The following METTL15 variants were observed in gnomAD, a reference collection of about 807,000 sequenced individuals.
METTL15 encodes 12S rRNA N(4)-cytidine methyltransferase METTL15.
METTL15 carries 34 observed loss-of-function variants against 38.3 expected under a neutral mutation model. That is an observed-to-expected ratio of 0.89 (90% CI 0.68 to 1.18). METTL15 has a LOEUF of 1.18. Ranked by LOEUF, METTL15 falls within the 50% of genes most tolerant of loss-of-function variation. METTL15 has a pLI of 0.00. For missense variants in METTL15, 438 were observed against 498.4 expected, an observed-to-expected ratio of 0.88 and a Z score of 1.15; for synonymous variants, 162 against 170.9, an observed-to-expected ratio of 0.95 and a Z score of 0.41.
At chr11:28,170,581 T>C (rs1425492897) in intron 3 of METTL15, among the ~76,000 whole-genome samples, 1 of 152,178 alleles carries the variant, frequency 6.6e-6, no homozygotes, top group African/African-American at 2.4e-5. Flanking sequence ...GGGTGTATTA[T>C]GCATGAGTTT....
chr11:28,261,662 A>G (rs902123406), intron 4 of METTL15: 9 of 152,196 alleles, frequency 5.9e-5, no homozygotes, highest in African/African-American at 2.2e-4. Flanking sequence ...AACTGAAGAT[A>G]ACTTTTGAAA....
intron 6 of METTL15, among the ~76,000 whole-genome samples, chr11:28,440,484 T>A (rs1375243933): frequency 6.6e-6 from 1 of 152,210 alleles, no homozygotes; most frequent in East Asian, 1.9e-4. Context: ...GGATTCAGAC[T>A]GGCCTTGTTT....
chr11:28,224,458 A>T (rs980939924), intron 4 of METTL15, among the ~76,000 whole-genome samples: 6 of 151,958 alleles, frequency 3.9e-5, no homozygotes, highest in Non-Finnish European at 7.4e-5. Flanking sequence ...GTACTGAGAA[A>T]AAATTAAAAT....
At chr11:28,219,965 A>T (rs1853113481) in intron 4 of METTL15, among the ~76,000 whole-genome samples, 1 of 152,178 alleles carries the variant, frequency 6.6e-6, no homozygotes, top group African/African-American at 2.4e-5. Context: ...TTTGCTGATG[A>T]GTGCTTTATT....
Position 28,113,497 on chromosome 11 carries a change from C to G in METTL15, c.163C>G (p.Gln55Glu). The part of the protein sequence containing the change: ...AREQTDQTQA[Q>E]ELHRSQDRDF... The stretch of plus-strand genomic sequence containing the variant: ...GGAGCAAACAGATCAAACTCAAGCC[C>G]AGGAGTTACACAGATCTCAAGATAG... The change falls in exon 3 of 7, where the codon CAG becomes GAG. Residue 55 changes from glutamine (Q) to glutamate (E), a missense_variant. Gln to Glu is a conservative substitution (Grantham distance 29). Transcript: ENST00000407364. The G allele has an allele frequency of 6.2e-7, 1 of 1,613,056 alleles. No individual in the cohort carries two copies. Among genetic ancestry groups the G allele is most frequent in the Non-Finnish European group, 8.5e-7 (1 of 1,179,840 alleles).
chr11:28,176,786 G>A (rs1036993573), intron 3 of METTL15, among the ~76,000 whole-genome samples: 1 of 151,936 alleles, frequency 6.6e-6, no homozygotes, highest in South Asian at 2.1e-4. Flanking sequence ...ATGTAAAATG[G>A]AATTATGATA....
At chr11:28,481,112 T>C (rs1194157037) in intron 6 of METTL15, among the ~76,000 whole-genome samples, 1 of 152,214 alleles carries the variant, frequency 6.6e-6, no homozygotes, top group Non-Finnish European at 1.5e-5. Flanking sequence ...AAGAATCAGG[T>C]AGTTCTGGGG....
Position 28,300,750 on chromosome 11 carries a change from T to C in METTL15, c.778+3819T>C, listed in dbSNP as rs756819670. ...ATATAAATATTTAACACATATGCAG[T>C]GTTATATACAGTGTTCCCTCCAAAA... On this transcript the variant is annotated intron_variant, in intron 6 of 6. Coordinates refer to ENST00000407364, the MANE Select transcript of METTL15 (RefSeq NM_001113528.2). Among the ~76,000 whole-genome samples the C allele has an allele frequency of 3.3e-5, 5 of 152,288 alleles. No individual in the cohort carries two copies. The South Asian group carries it at 8.3e-4, about 25-fold the overall frequency.
intron 3 of METTL15, among the ~76,000 whole-genome samples, chr11:28,209,280 C>T (rs527779507): frequency 6.6e-6 from 1 of 151,856 alleles, no homozygotes; most frequent in South Asian, 2.1e-4. Flanking sequence ...GGTATTGATC[C>T]CATGACAAGG....
chr11:28,321,580 A>G (rs1482779272), intron 6 of METTL15, among the ~76,000 whole-genome samples: 8 of 152,172 alleles, frequency 5.3e-5, no homozygotes, highest in African/African-American at 1.9e-4. Context: ...GCATTGCTTC[A>G]ACATTATGAT....
chr11:28,464,435 T>C (rs1287850293), intron 6 of METTL15, among the ~76,000 whole-genome samples: 2 of 152,156 alleles, frequency 1.3e-5, no homozygotes, highest in Non-Finnish European at 1.5e-5. Context: ...TGTAAACAAA[T>C]GAGTGTGGTT....
Position 28,173,099 on chromosome 11 carries a change from CAA to C in METTL15, c.271-37960_271-37959del, listed in dbSNP as rs569177453. Among the ~76,000 whole-genome samples, 93 of 151,998 alleles carry C rather than the reference CAA, an allele frequency of 6.1e-4. 1 individual carries two copies. In the South Asian group the frequency reaches 0.018, roughly 30 times the overall value. Reference sequence around the variant, plus strand: ...GATATTTATTTTTTAAAAAAAGAGACAAAATTTTTAATATAGATTTTGTTTTT... The same window carrying C: ...GATATTTATTTTTTAAAAAAAGAGACAATTTTTAATATAGATTTTGTTTTT... On this transcript the variant is annotated intron_variant, in intron 3 of 6. Coordinates refer to ENST00000407364, the MANE Select transcript of METTL15 (RefSeq NM_001113528.2).
intron 5 of METTL15, among the ~76,000 whole-genome samples, chr11:28,380,131 G>T (rs1159929925): frequency 4.8e-5 from 7 of 146,022 alleles, no homozygotes; most frequent in Non-Finnish European, 9.0e-5. Context: ...GCAACATATA[G>T]TTAGATCTTG....
chr11:28,297,215 A>G (rs1856773322), intron 6 of METTL15, among the ~76,000 whole-genome samples: 1 of 152,062 alleles, frequency 6.6e-6, no homozygotes, highest in Non-Finnish European at 1.5e-5. Flanking sequence ...GTAGATTTTT[A>G]TTTTACACAG....
intron 4 of METTL15, among the ~76,000 whole-genome samples, chr11:28,232,539 ATAT>A (rs1311578649): frequency 1.5e-4 from 23 of 151,730 alleles, no homozygotes; most frequent in Admixed American, 3.3e-4. Context: ...ATAATTAAAG[ATAT>A]TATAATTCAT....
At chr11:28,294,103 G>A (rs916008757) in intron 5 of METTL15, among the ~76,000 whole-genome samples, 5 of 152,186 alleles carry the variant, frequency 3.3e-5, no homozygotes, top group African/African-American at 1.2e-4. Context: ...TTGAATAGGA[G>A]TGGTGAGAGA....
chr11:28,328,267 CTT>C (rs1324298375), intron 6 of METTL15: 11 of 1,149,888 alleles, frequency 9.6e-6, no homozygotes, highest in Non-Finnish European at 1.2e-5. Context: ...ATTCTCCAGA[CTT>C]TTGGCAAAGT....
intron 5 of METTL15, among the ~76,000 whole-genome samples, chr11:28,400,949 A>G (rs4923536): frequency 0.47 from 71,317 of 151,726 alleles, 17,145 homozygotes; most frequent in East Asian, 0.74. Flanking sequence ...GACAAAGAAC[A>G]TTAAGTCTAT....
chr11:28,430,324 T>TG (rs1337695644), intron 6 of METTL15, among the ~76,000 whole-genome samples: 10 of 79,834 alleles, frequency 1.3e-4, no homozygotes, highest in Non-Finnish European at 2.4e-4. Context: ...GGGAGGGAGG[T>TG]GAGGGGGTCA....
Sources: allele counts gnomAD v4.1 joint callset (sites outside exome capture counted in the v4.1 genomes callset), GRCh38; gene constraint gnomAD v4.1.1; transcripts MANE v1.5; gene names NCBI Gene and HGNC (gene_info 2026-07-23, HGNC 2026-07-21).